EEF2K: variants seen among roughly 807,000 people sequenced by gnomAD.
EEF2K encodes alternative protein EEF2K.
EEF2K carries 70 observed loss-of-function variants against 93.8 expected under a neutral mutation model. The observed-to-expected ratio is 0.75, with a 90% confidence interval of 0.62 to 0.91. The LOEUF is 0.91. EEF2K is among the 40% of genes least tolerant of loss of function. The pLI is 0.00. For synonymous variants in EEF2K, 376 were observed against 380.8 expected, an observed-to-expected ratio of 0.99 and a Z score of 0.15; for missense variants, 935 against 972.9, an observed-to-expected ratio of 0.96 and a Z score of 0.52.
chr16:22,211,079 C>A (rs761394806), intron 1 of EEF2K, among the ~76,000 whole-genome samples: 3 of 152,178 alleles, frequency 2.0e-5, no homozygotes, highest in Admixed American at 2.0e-4. Flanking sequence ...GGGAAATGTC[C>A]GTGGCCAGGC....
intron 11 of EEF2K, among the ~76,000 whole-genome samples, chr16:22,261,665 G>A (rs1372528121): frequency 6.6e-6 from 1 of 150,854 alleles, no homozygotes; most frequent in Admixed American, 6.6e-5. Flanking sequence ...ACTCCAACCT[G>A]GGCGACAGAG....
At chr16:22,243,837 C>T (rs572896796) in intron 2 of EEF2K, among the ~76,000 whole-genome samples, 1 of 147,834 alleles carries the variant, frequency 6.8e-6, no homozygotes, top group East Asian at 2.2e-4. Flanking sequence ...GTGGGAGGAT[C>T]GCTTGAATCC....
chr16:22,256,952 C>G, intron 7 of EEF2K, 55 bp downstream of exon 7: 2 of 1,603,076 alleles, frequency 1.2e-6, no homozygotes, highest in South Asian at 1.1e-5. Context: ...GGGTGAGATC[C>G]TGGCCAGGCT....
At chr16:22,257,208 T>C in intron 7 of EEF2K, 45 bp from the exon 8 acceptor site, 1 of 1,613,728 alleles carries the variant, frequency 6.2e-7, no homozygotes, top group Non-Finnish European at 8.5e-7. Context: ...TGCACAGACC[T>C]CAGCCTGTCT....
At chr16:22,234,279 G>A (rs1350494215) in intron 2 of EEF2K, among the ~76,000 whole-genome samples, 2 of 152,162 alleles carry the variant, frequency 1.3e-5, no homozygotes, top group Admixed American at 6.5e-5. Context: ...ACTGAGGGCA[G>A]CTCTAACAGC....
Position 22,264,879 on chromosome 16 carries a change from G to C in EEF2K, c.1439G>C (p.Arg480Pro). Residue 480 changes from arginine (R) to proline (P), a missense_variant and splice_region_variant, in exon 13 of 18, where the codon CGG (arginine) becomes CCG (proline). Arg to Pro is a moderately radical substitution (Grantham distance 103). Transcript: ENST00000263026. ...SDEDSLGSSG[R>P]VCVEKWNLLN... is the part of the protein sequence containing the mutation. ...GAAGACAGCCTGGGCAGCTCTGGAC[G>C]GGTAATGCGCCCTGAGGCACCCTTG... The C allele has an allele frequency of 6.2e-7, 1 of 1,613,926 alleles. No individual in the cohort carries two copies. Among genetic ancestry groups the C allele is most frequent in the Non-Finnish European group, 8.5e-7 (1 of 1,179,904 alleles).
chr16:22,285,380 T>C lies in EEF2K; in HGVS notation c.*1384T>C, dbSNP rs962496215. 8.5e-5 allele frequency: 13 copies of C among 152,134 alleles called. No individual in the cohort carries two copies. Among genetic ancestry groups the C allele is most frequent in the Admixed American group, 5.9e-4 (9 of 15,256 alleles). 9.4% of individuals were successfully genotyped at this position (152,134 alleles called of 1,614,324 possible). On this transcript the variant is annotated 3_prime_UTR_variant, in exon 18 of 18. Transcript: ENST00000263026. ...TCTCTTGGGATTTTATCTAAGATGT[T>C]TGAGGATGAGAGGGCAAGAACTATA... is the stretch of plus-strand genomic sequence containing the variant.
chr16:22,247,067 A>AG (rs2047300936), intron 3 of EEF2K, among the ~76,000 whole-genome samples: 1 of 142,438 alleles, frequency 7.0e-6, no homozygotes, highest in Non-Finnish European at 1.5e-5. Flanking sequence ...AAAAAAAAAA[A>AG]GAAACTAGAA....
rs1439221252 is a variant in EEF2K, at chr16:22,288,159, T to C, written c.*4163T>C. 2 of 152,104 alleles carry C rather than the reference T, an allele frequency of 1.3e-5. No homozygotes were observed. The highest frequency in any genetic ancestry group is 2.9e-5 in the Non-Finnish European group (2 of 68,062). The allele number at this position is 152,104 out of a possible 1,614,324, so 9.4% of individuals were successfully genotyped here. ...CACCTGCCACCACGCGCAGCTAATG[T>C]TTGTATTTTTAGTAGAGACGGGGGT... On this transcript the variant is annotated 3_prime_UTR_variant, in exon 18 of 18. Transcript: ENST00000263026.
rs183527152 is a variant in EEF2K at position 22,215,609 on chromosome 16, C to T, written c.-77+8930C>T. On this transcript the variant is annotated intron_variant, in intron 1 of 17. Transcript: ENST00000263026. ...TAGCTTGATGCTTGACTTAATCACT[C>T]CTAATGCTGCATCCCAGTAAATAAA... 1.0e-3 allele frequency among the ~76,000 whole-genome samples: 158 copies of T among 152,262 alleles called. 1 individual carries two copies. Among genetic ancestry groups the T allele is most frequent in the African/African-American group, 3.8e-3 (156 of 41,548 alleles).
chr16:22,220,795 T>C (rs1208533331), intron 1 of EEF2K, among the ~76,000 whole-genome samples: 1 of 152,204 alleles, frequency 6.6e-6, no homozygotes, highest in East Asian at 1.9e-4. Context: ...GGTCTGCAGC[T>C]TGGGGCTGTG....
At chr16:22,279,361 C>T (rs572841204) in intron 16 of EEF2K, among the ~76,000 whole-genome samples, 7 of 151,934 alleles carry the variant, frequency 4.6e-5, no homozygotes, top group Admixed American at 6.6e-5. Flanking sequence ...CCTCAGCCTC[C>T]GGAGTAGCTG....
chr16:22,248,008 T>G (rs549569077), intron 3 of EEF2K, among the ~76,000 whole-genome samples: 23 of 152,266 alleles, frequency 1.5e-4, no homozygotes, highest in Non-Finnish European at 2.4e-4. Flanking sequence ...TATTCAGTCA[T>G]TCATCCACCT....
chr16:22,234,733 A>G (rs547101671), intron 2 of EEF2K, among the ~76,000 whole-genome samples: 2 of 151,978 alleles, frequency 1.3e-5, no homozygotes. Flanking sequence ...TCTAATATAC[A>G]CATCCCACCC....
intron 2 of EEF2K, among the ~76,000 whole-genome samples, chr16:22,226,878 G>C (rs994254676): frequency 6.6e-6 from 1 of 152,216 alleles, no homozygotes; most frequent in Non-Finnish European, 1.5e-5. Flanking sequence ...AGACCAGCCT[G>C]GGCAACATAG....
At position 22,288,670 on chromosome 16, in the gene EEF2K, A is replaced by G. The variant is rs1308077835; in HGVS notation, c.*4674A>G. On this transcript the variant is annotated 3_prime_UTR_variant, in exon 18 of 18. Coordinates refer to ENST00000263026, the MANE Select transcript of EEF2K (RefSeq NM_013302.5). ...GGCCCAGAGAAGTGGCCTGCGTTAC[A>G]GATTTATTTTGGCATATGTACTAAG... 6.6e-6 allele frequency: 1 copy of G among 152,140 alleles called. No homozygotes were observed. Among genetic ancestry groups the G allele is most frequent in the African/African-American group, 2.4e-5 (1 of 41,418 alleles). The allele number at this position is 152,140 out of a possible 1,614,324, so 9.4% of individuals were successfully genotyped here. A position where few individuals can be genotyped will look rare whatever the true frequency, so the allele number is the denominator to read the frequency against.
chr16:22,215,672 C>A (rs4783443), intron 1 of EEF2K, among the ~76,000 whole-genome samples: 13,597 of 152,206 alleles, frequency 0.089, 906 homozygotes, highest in East Asian at 0.28. Flanking sequence ...CACCTATAAT[C>A]CCATCTCTTT....
chr16:22,238,524 T>C (rs572212244), intron 2 of EEF2K, among the ~76,000 whole-genome samples: 1 of 151,946 alleles, frequency 6.6e-6, no homozygotes, highest in Admixed American at 6.6e-5. Context: ...TGAGCACCCA[T>C]AGTCCCAGCT....
chr16:22,274,557 AG>A (rs2047616747), intron 16 of EEF2K, among the ~76,000 whole-genome samples: 1 of 152,034 alleles, frequency 6.6e-6, no homozygotes. Flanking sequence ...CATCCAGGTG[AG>A]AGTGGGTATC....
Sources: gnomAD v4.1 joint callset for allele counts (sites outside exome capture counted in the v4.1 genomes callset) on GRCh38, gnomAD v4.1.1 for gene constraint, MANE v1.5 for transcripts, NCBI Gene and HGNC (gene_info 2026-07-23, HGNC 2026-07-21) for gene names.